KLC1: variants seen among roughly 807,000 people sequenced by gnomAD.
KLC1 encodes the protein kinesin light chain 1.
A neutral mutation model predicts 84.2 loss-of-function variants in KLC1; 30 were observed. The observed-to-expected ratio is 0.36, with a 90% CI of 0.27 to 0.48. The LOEUF (loss-of-function observed/expected upper bound fraction) is 0.48. Among genes scored for constraint, KLC1 ranks in the 20% least tolerant of loss-of-function variants. The pLI is 0.99. For synonymous variants in KLC1, 289 were observed against 293.3 expected (o/e 0.99, Z 0.15); for missense variants, 499 against 805.4 (o/e 0.62, Z 4.60).
At chr14:103,669,649 A>G (rs1326026481) in intron 6 of KLC1, 51 bp downstream of exon 6, 1 of 1,230,256 alleles carries the variant, frequency 8.1e-7, no homozygotes, top group East Asian at 2.3e-5. Flanking sequence ...TTCCCCATAT[A>G]TTTCTTTTAT....
At chr14:103,691,970 A>G (rs1379539974) in intron 14 of KLC1, among the ~76,000 whole-genome samples, 2 of 152,090 alleles carry the variant, frequency 1.3e-5, no homozygotes, top group Non-Finnish European at 2.9e-5. Context: ...GGGTTTCCCC[A>G]TGTTACCCGG....
At chr14:103,698,536 G>T (rs1245112984) in intron 15 of KLC1, 3 of 532,932 alleles carry the variant, frequency 5.6e-6, no homozygotes, top group African/African-American at 1.9e-5. Flanking sequence ...CTCTCCCCAA[G>T]GGCCAGCTCA....
At chr14:103,692,484 T>A in intron 15 of KLC1, 59 bp downstream of exon 15, 1 of 1,431,204 alleles carries the variant, frequency 7.0e-7, no homozygotes, top group Non-Finnish European at 9.5e-7. Context: ...GCAGGTCTGC[T>A]GCAGACCCGC....
chr14:103,694,369 A>G lies in KLC1; in HGVS notation c.1848+1944A>G. 1 of 936,226 alleles carries G rather than the reference A, an allele frequency of 1.1e-6. No individual in the cohort carries two copies. The highest frequency in any genetic ancestry group is 1.3e-6 in the Non-Finnish European group (1 of 786,800). The allele number at this position is 936,226 out of a possible 1,614,324, so 58.0% of individuals were successfully genotyped here. A position where few individuals can be genotyped will look rare whatever the true frequency, so the allele number is the denominator to read the frequency against. ...TGGGTTCACGCCATTCTCCTGCCTC[A>G]GCCTCCCGAGTAGCTGGGACTACAG... On this transcript the variant is annotated intron_variant, in intron 15 of 16. Coordinates refer to ENST00000334553, the MANE Select transcript of KLC1 (RefSeq NM_001394837.1). This position sits in a 1 kb window ranked among gnomAD's most constrained non-coding sequence, Gnocchi z 4.5.
intron 1 of KLC1, among the ~76,000 whole-genome samples, chr14:103,640,034 C>T (rs540518504): frequency 3.9e-5 from 6 of 152,100 alleles, no homozygotes; most frequent in Non-Finnish European, 5.9e-5. Context: ...GGATTACAGG[C>T]GTGAGCCACT....
At chr14:103,642,730 T>G (rs1173239926) in intron 1 of KLC1, among the ~76,000 whole-genome samples, 2 of 151,578 alleles carry the variant, frequency 1.3e-5, no homozygotes, top group Admixed American at 1.3e-4. Flanking sequence ...TGGAACAACT[T>G]GAACAATAAA....
At chr14:103,654,392 C>T (rs2078691477) in intron 1 of KLC1, among the ~76,000 whole-genome samples, 172 bp from the exon 2 acceptor site, 2 of 152,052 alleles carry the variant, frequency 1.3e-5, no homozygotes, top group African/African-American at 4.8e-5. Flanking sequence ...AATGTGTCTG[C>T]AAAGGAAAAA....
chr14:103,695,345 A>G (rs200263141), intron 15 of KLC1: 3,082 of 213,466 alleles, frequency 0.014, 10 homozygotes, highest in East Asian at 0.027. Context: ...GTGTGTATAT[A>G]TATATATATA....
At chr14:103,696,093 C>CGGGGGGGGGG in intron 15 of KLC1, 2 of 129,312 alleles carry the variant, frequency 1.5e-5, no homozygotes, top group Non-Finnish European at 1.8e-5. Context: ...AATCACTGCG[C>CGGGGGGGGGG]CCCCGCCCCC....
chr14:103,644,490 A>C (rs2077746694), intron 1 of KLC1, among the ~76,000 whole-genome samples: 2 of 151,770 alleles, frequency 1.3e-5, no homozygotes, highest in African/African-American at 4.8e-5. Flanking sequence ...TGAACTCCTG[A>C]CCTCCTGATC....
chr14:103,699,228 A>G (rs1457787460), intron 15 of KLC1: 2 of 1,542,790 alleles, frequency 1.3e-6, no homozygotes, highest in Non-Finnish European at 1.7e-6. Flanking sequence ...GGTCTTCTCG[A>G]TGGTTAGGCA....
intron 3 of KLC1, among the ~76,000 whole-genome samples, chr14:103,660,802 CAATAAATAAATA>C (rs147358285): frequency 1.5e-4 from 23 of 151,120 alleles, no homozygotes; most frequent in African/African-American, 5.1e-4. Context: ...GAAAAACAAG[CAATAAATAAATA>C]AATAAATAAA....
chr14:103,681,746 C>G (rs1050452135), intron 13 of KLC1, among the ~76,000 whole-genome samples: 6 of 152,100 alleles, frequency 3.9e-5, no homozygotes, highest in African/African-American at 1.4e-4. Flanking sequence ...CATAAACCAC[C>G]GACTTTTCTT....
chr14:103,676,938 T>A (rs1214438827), intron 11 of KLC1, among the ~76,000 whole-genome samples: 2 of 152,188 alleles, frequency 1.3e-5, no homozygotes, highest in Non-Finnish European at 2.9e-5. Flanking sequence ...CATGAAGCAT[T>A]TATCCTCTGC....
intron 15 of KLC1, chr14:103,695,398 G>C (rs973280103): frequency 2.0e-6 from 2 of 982,466 alleles, no homozygotes; most frequent in Admixed American, 6.2e-5. Context: ...GATGGGTTGT[G>C]AGAAGCCAAC....
chr14:103,645,436 G>A (rs2077843552), intron 1 of KLC1, among the ~76,000 whole-genome samples: 1 of 152,182 alleles, frequency 6.6e-6, no homozygotes, highest in Non-Finnish European at 1.5e-5. Flanking sequence ...TCCCTGCCAT[G>A]CTTGTAGTGG....
intron 1 of KLC1, among the ~76,000 whole-genome samples, chr14:103,634,320 G>A (rs1595205696): frequency 6.6e-6 from 1 of 152,142 alleles, no homozygotes; most frequent in East Asian, 1.9e-4. Context: ...TTGAAGGAAT[G>A]CATCTAGAAT....
chr14:103,649,548 G>C (rs972393050), intron 1 of KLC1, among the ~76,000 whole-genome samples: 38 of 138,920 alleles, frequency 2.7e-4, no homozygotes, highest in African/African-American at 1.0e-3. Flanking sequence ...GGGCAACATG[G>C]TGAGACCTCA....
chr14:103,639,068 A>G (rs1310762228), intron 1 of KLC1, among the ~76,000 whole-genome samples: 2 of 152,238 alleles, frequency 1.3e-5, no homozygotes, highest in Non-Finnish European at 2.9e-5. Context: ...ATGATAGGTC[A>G]TCAAACTACC....
Sources: gnomAD v4.1 joint callset for allele counts (sites outside exome capture counted in the v4.1 genomes callset) on GRCh38, gnomAD v4.1.1 for gene constraint, Gnocchi (gnomAD v3.1) non-coding constraint, MANE v1.5 for transcripts, NCBI Gene and HGNC (gene_info 2026-07-23, HGNC 2026-07-21) for gene names.